TEAD1: variants seen among roughly 807,000 people sequenced by gnomAD.
TEAD1 encodes the protein transcriptional enhancer factor TEF-1.
A neutral mutation model predicts 54.9 loss-of-function variants in TEAD1; 9 were observed. The observed-to-expected ratio is 0.16, with a 90% CI of 0.10 to 0.29. The LOEUF is 0.29. Among genes scored for constraint, TEAD1 ranks in the 10% least tolerant of loss-of-function variants. The probability of loss-of-function intolerance (pLI) is 1.00; values close to 1 mark genes in which losing one functional copy is unlikely to be tolerated. For missense variants in TEAD1, 387 were observed against 535.9 expected, an observed-to-expected ratio of 0.72 and a Z score of 2.74; for synonymous variants, 200 against 187.8, an observed-to-expected ratio of 1.07 and a Z score of -0.53.
At chr11:12,783,133 T>TGTGTGTGTGTGCGTGCGCGC (rs1198828193) in intron 3 of TEAD1, among the ~76,000 whole-genome samples, 1 of 145,496 alleles carries the variant, frequency 6.9e-6, no homozygotes, top group African/African-American at 2.7e-5. Flanking sequence ...TGTGTGTGTG[T>TGTGTGTGTGTGCGTGCGCGC]GCGCGCACTT....
chr11:12,703,362 G>A (rs986219404), intron 2 of TEAD1, among the ~76,000 whole-genome samples: 1 of 152,160 alleles, frequency 6.6e-6, no homozygotes, highest in East Asian at 1.9e-4. Flanking sequence ...TCCCCTGCTC[G>A]GTACGTGGAG....
At chr11:12,763,499 A>T (rs1302881483) in intron 2 of TEAD1, among the ~76,000 whole-genome samples, 1 of 152,196 alleles carries the variant, frequency 6.6e-6, no homozygotes, top group African/African-American at 2.4e-5. Flanking sequence ...AGCCCCAGAG[A>T]TAAATGACAT....
Position 12,925,056 on chromosome 11 carries a change from A to G in TEAD1, c.1014+4A>G. Reference sequence around the variant, plus strand: ...GCAAGTAGTAGAAAAAGTAGAGGTAAGTTGGCCTCTGTATACTGGAAACTT... The same window carrying G: ...GCAAGTAGTAGAAAAAGTAGAGGTAGGTTGGCCTCTGTATACTGGAAACTT... On this transcript the variant is annotated splice_donor_region_variant and intron_variant, in intron 11 of 12. Coordinates refer to ENST00000527636, the MANE Select transcript of TEAD1 (RefSeq NM_021961.6). The G allele has an allele frequency of 6.2e-7, 1 of 1,614,012 alleles. No individual in the cohort carries two copies. The highest frequency in any genetic ancestry group is 8.5e-7 in the Non-Finnish European group (1 of 1,180,014).
intron 3 of TEAD1, among the ~76,000 whole-genome samples, chr11:12,788,012 G>T (rs949805041): frequency 3.3e-5 from 5 of 150,432 alleles, no homozygotes; most frequent in Admixed American, 2.0e-4. Flanking sequence ...GCTCAGGCTG[G>T]AGTGCAATGA....
At chr11:12,803,617 C>T (rs1366517409) in intron 3 of TEAD1, among the ~76,000 whole-genome samples, 1 of 152,206 alleles carries the variant, frequency 6.6e-6, no homozygotes, top group Non-Finnish European at 1.5e-5. Context: ...TGTGGCTCTC[C>T]GTGCTGGGAC....
chr11:12,699,331 A>G (rs974694122), intron 2 of TEAD1, among the ~76,000 whole-genome samples: 3 of 151,746 alleles, frequency 2.0e-5, no homozygotes, highest in Non-Finnish European at 4.4e-5. Context: ...AGCTTTTCTC[A>G]TCGGTTTATT....
chr11:12,813,371 G>C (rs564832189), intron 3 of TEAD1, among the ~76,000 whole-genome samples: 1 of 152,158 alleles, frequency 6.6e-6, no homozygotes, highest in African/African-American at 2.4e-5. Context: ...TTAGGGGATC[G>C]CCGGGACAGA....
intron 3 of TEAD1, among the ~76,000 whole-genome samples, chr11:12,830,599 C>A (rs190524216): frequency 6.6e-6 from 1 of 152,080 alleles, no homozygotes; most frequent in East Asian, 1.9e-4. Context: ...CTGCTGCTCA[C>A]GTGGTCTTAA....
intron 2 of TEAD1, among the ~76,000 whole-genome samples, chr11:12,718,747 G>A (rs185451575): frequency 2.6e-5 from 4 of 152,106 alleles, no homozygotes; most frequent in Admixed American, 1.3e-4. Context: ...TGCAGTCCAA[G>A]GCCAGTCTAG....
intron 2 of TEAD1, among the ~76,000 whole-genome samples, chr11:12,744,646 A>C (rs527393915): frequency 1.3e-5 from 2 of 152,224 alleles, no homozygotes; most frequent in Non-Finnish European, 2.9e-5. Context: ...TTGGTCATCT[A>C]TGGGTATTAA....
chr11:12,810,082 G>A (rs1440100817), intron 3 of TEAD1, among the ~76,000 whole-genome samples: 1 of 142,610 alleles, frequency 7.0e-6, no homozygotes, highest in Non-Finnish European at 1.5e-5. Context: ...CTGGGTTCAA[G>A]CAGTTCTCCT....
chr11:12,770,261 C>T (rs1945288048), intron 3 of TEAD1, among the ~76,000 whole-genome samples: 2 of 152,106 alleles, frequency 1.3e-5, no homozygotes, highest in African/African-American at 4.8e-5. Context: ...AGTGTATGCA[C>T]AAGGTGTGAG....
intron 2 of TEAD1, among the ~76,000 whole-genome samples, chr11:12,747,804 GCTA>G (rs1944778798): frequency 6.6e-6 from 1 of 152,156 alleles, no homozygotes; most frequent in African/African-American, 2.4e-5. Context: ...ACATCAGGTG[GCTA>G]ATAATGTTCC....
intron 5 of TEAD1, among the ~76,000 whole-genome samples, chr11:12,868,009 G>A (rs184461202): frequency 2.0e-5 from 3 of 152,274 alleles, no homozygotes; most frequent in Admixed American, 1.3e-4. Context: ...CTCAGACGTC[G>A]AAGGGGTAGA....
chr11:12,675,636 T>G (rs1943068510), intron 2 of TEAD1, 75 bp downstream of exon 2: 1 of 152,234 alleles, frequency 6.6e-6, no homozygotes, highest in South Asian at 2.1e-4. Flanking sequence ...CTGGGTACAC[T>G]TCTAGTCTTT....
At chr11:12,820,803 T>C (rs1016924949) in intron 3 of TEAD1, among the ~76,000 whole-genome samples, 16 of 152,326 alleles carry the variant, frequency 1.1e-4, no homozygotes, top group African/African-American at 3.8e-4. Flanking sequence ...ATGATTTTGT[T>C]GTGCCATTGA....
intron 9 of TEAD1, among the ~76,000 whole-genome samples, chr11:12,887,091 T>G (rs1177661551): frequency 2.4e-3 from 150 of 61,526 alleles, no homozygotes; most frequent in African/African-American, 6.5e-3. Flanking sequence ...GTTTTTTTTT[T>G]TGTTTGTTTT....
At chr11:12,729,567 G>T (rs1033686571) in intron 2 of TEAD1, among the ~76,000 whole-genome samples, 1 of 152,148 alleles carries the variant, frequency 6.6e-6, no homozygotes, top group Non-Finnish European at 1.5e-5. Flanking sequence ...TAATCATGGT[G>T]AAAAATCAAG....
At position 12,934,807 on chromosome 11, in the gene TEAD1, A is replaced by C. The variant is rs139460666; in HGVS notation, c.1168-2302A>C. 4.7e-4 allele frequency among the ~76,000 whole-genome samples: 72 copies of C among 152,244 alleles called. No individual in the cohort carries two copies. In the East Asian group the frequency reaches 7.7e-3, roughly 16 times the overall value. On this transcript the variant is annotated intron_variant, in intron 12 of 12. Transcript: ENST00000527636. ...GTACTGCCTTCTGGGATACAATGCA[A>C]ATAAAACCCAGCACTTGTCACGTAG...
Sources: gnomAD v4.1 joint callset for allele counts (sites outside exome capture counted in the v4.1 genomes callset) on GRCh38, gnomAD v4.1.1 for gene constraint, MANE v1.5 for transcripts, NCBI Gene and HGNC (gene_info 2026-07-23, HGNC 2026-07-21) for gene names.